Variants in UGGT1 observed in about 807,000 individuals in gnomAD.
UGGT1 encodes the protein UDP-glucose:glycoprotein glucosyltransferase 1.
A neutral mutation model predicts 203.9 loss-of-function variants in UGGT1; 107 were observed. The observed-to-expected ratio is 0.52, with a 90% CI of 0.45 to 0.62. UGGT1 has a LOEUF of 0.62. Ranked by LOEUF, UGGT1 falls within the 20% of genes least tolerant of loss-of-function variation. UGGT1 has a pLI of 0.00. For missense variants in UGGT1, 1,673 were observed against 1,867.2 expected, an observed-to-expected ratio of 0.90 and a Z score of 1.92; for synonymous variants, 628 against 653.5, an observed-to-expected ratio of 0.96 and a Z score of 0.59.
chr2:128,136,912 T>G (rs1229578483), intron 15 of UGGT1, among the ~76,000 whole-genome samples: 1 of 152,158 alleles, frequency 6.6e-6, no homozygotes, highest in African/African-American at 2.4e-5. Context: ...TTCTGATAGG[T>G]GTGTGGTGGT....
At chr2:128,095,820 TATAAAAAGCAGC>T (rs1377297794) in intron 1 of UGGT1, among the ~76,000 whole-genome samples, 1 of 152,234 alleles carries the variant, frequency 6.6e-6, no homozygotes, top group Non-Finnish European at 1.5e-5. Context: ...TGATGCTTTT[TATAAAAAGCAGC>T]TATTGACTAG....
At chr2:128,141,891 T>C (rs1487030579) in intron 16 of UGGT1, among the ~76,000 whole-genome samples, 1 of 152,004 alleles carries the variant, frequency 6.6e-6, no homozygotes, top group Non-Finnish European at 1.5e-5. Context: ...TCCTCATCCC[T>C]CCTAAACATC....
At chr2:128,116,938 G>C (rs1688129741) in intron 8 of UGGT1, among the ~76,000 whole-genome samples, 1 of 152,154 alleles carries the variant, frequency 6.6e-6, no homozygotes, top group Non-Finnish European at 1.5e-5. Context: ...ATTGCCATAA[G>C]AGGAGAAATT....
chr2:128,177,681 CCTT>C (rs1272147774), intron 32 of UGGT1, 148 bp from the exon 33 acceptor site: 2 of 522,602 alleles, frequency 3.8e-6, no homozygotes, highest in African/African-American at 4.0e-5. Context: ...TCTATTGAAT[CCTT>C]CTAGACTCTG....
At chr2:128,174,409 C>T (rs1445155808) in intron 30 of UGGT1, among the ~76,000 whole-genome samples, 3 of 151,668 alleles carry the variant, frequency 2.0e-5, no homozygotes, top group Non-Finnish European at 2.9e-5. Flanking sequence ...AGCAATTCTC[C>T]TGCCCCAGCC....
intron 19 of UGGT1, among the ~76,000 whole-genome samples, 176 bp downstream of exon 19, chr2:128,153,080 T>TAAATTCAC (rs1690053083): frequency 1.3e-5 from 2 of 150,406 alleles, no homozygotes; most frequent in South Asian, 4.2e-4. Context: ...TATGAGATTC[T>TAAATTCAC]AAATTCACAA....
intron 2 of UGGT1, among the ~76,000 whole-genome samples, chr2:128,103,730 T>G (rs1171099954): frequency 6.6e-6 from 1 of 151,590 alleles, no homozygotes; most frequent in Non-Finnish European, 1.5e-5. Flanking sequence ...ATTCATAGGC[T>G]AAGTTATTAA....
In UGGT1 at chr2:128,192,389, G is replaced by A. The variant is rs997421496; in HGVS notation, c.*2647G>A. On this transcript the variant is annotated 3_prime_UTR_variant, in exon 41 of 41. Transcript: ENST00000259253. The stretch of plus-strand genomic sequence containing the variant: ...AAGGCATACTGTAACAGAAAAGATA[G>A]GTAAGATATTTTTTTCCCAAGAAGT... 2.0e-5 allele frequency: 3 copies of A among 151,902 alleles called. No individual in the cohort carries two copies. In the South Asian group the frequency reaches 6.2e-4, roughly 32 times the overall value. 9.4% of individuals were successfully genotyped at this position (151,902 alleles called of 1,614,324 possible).
intron 5 of UGGT1, among the ~76,000 whole-genome samples, chr2:128,112,716 A>G (rs1687927635): frequency 1.3e-5 from 2 of 150,580 alleles, no homozygotes; most frequent in African/African-American, 4.9e-5. Flanking sequence ...CCAAGTAGCT[A>G]GGACTACAGG....
intron 2 of UGGT1, 142 bp from the exon 3 acceptor site, chr2:128,103,790 A>T: frequency 2.9e-6 from 1 of 341,866 alleles, no homozygotes; most frequent in South Asian, 1.1e-4. Context: ...TATATTATAC[A>T]TAAAAGAGTA....
chr2:128,112,872 A>G (rs1687933425), intron 5 of UGGT1, among the ~76,000 whole-genome samples: 1 of 152,128 alleles, frequency 6.6e-6, no homozygotes, highest in Admixed American at 6.6e-5. Flanking sequence ...TATTTTTTAT[A>G]ATGTACTTTT....
Position 128,173,884 on chromosome 2 carries a change from C to A in UGGT1, c.3398C>A (p.Thr1133Asn), listed in dbSNP as rs1224504833. ...TGQPPRGLQFTLGTSANPVIV... is the reference protein window; with the variant it reads ...TGQPPRGLQFNLGTSANPVIV... Reference sequence around the variant, plus strand: ...CAGCCTCCACGGGGACTACAGTTTACCTTAGGAACTTCAGCCAACCCGGTC... The same window carrying A: ...CAGCCTCCACGGGGACTACAGTTTAACTTAGGAACTTCAGCCAACCCGGTC... Residue 1133 changes from threonine (T) to asparagine (N), a missense_variant, in exon 30 of 41, where the codon ACC (threonine) becomes AAC (asparagine). By Grantham distance (65) the Thr-to-Asn change is moderately conservative. Transcript: ENST00000259253. 5 of 1,614,030 alleles carry A rather than the reference C, an allele frequency of 3.1e-6. No individual in the cohort carries two copies. The highest frequency in any genetic ancestry group is 4.2e-6 in the Non-Finnish European group (5 of 1,180,030).
chr2:128,122,395 G>A (rs1370581672), intron 10 of UGGT1, among the ~76,000 whole-genome samples: 1 of 152,042 alleles, frequency 6.6e-6, no homozygotes, highest in Admixed American at 6.5e-5. Flanking sequence ...TTAGCTGGGC[G>A]TGGTGGCAGG....
At position 128,187,495 on chromosome 2, in the gene UGGT1, G is replaced by A. The variant is rs903457488; in HGVS notation, c.4523G>A (p.Arg1508Gln). The stretch of plus-strand genomic sequence containing the variant: ...GAGCCGAAACTGGAAGCAGCTGTGC[G>A]GATTGTCCCGGAGTGGCAGGACTAC... ...TKEPKLEAAV[R>Q]IVPEWQDYDQ... Residue 1508 changes from arginine to glutamine, a missense_variant, in exon 40 of 41, where the codon CGG (arginine) becomes CAG (glutamine). Coordinates refer to ENST00000259253, the MANE Select transcript of UGGT1 (RefSeq NM_020120.4). The A allele has an allele frequency of 1.9e-6, 3 of 1,613,990 alleles. No homozygotes were observed. The highest frequency in any genetic ancestry group is 1.3e-5 in the African/African-American group (1 of 74,912).
chr2:128,119,437 G>GAA lies in UGGT1; in HGVS notation c.873-909_873-908dup, dbSNP rs879873461. Among the ~76,000 whole-genome samples, 3 of 136,792 alleles carry GAA rather than the reference G, an allele frequency of 2.2e-5. No homozygotes were observed. The South Asian group carries it at 6.9e-4, about 31-fold the overall frequency. 89.7% of individuals were successfully genotyped at this position (136,792 alleles called of 152,430 possible). ...AACAAGAGTGAAACTCTGTCTCAAA[G>GAA]AAAAAAAAAAAGAAATTTTGAGTTT... On this transcript the variant is annotated intron_variant, in intron 8 of 40. Coordinates refer to ENST00000259253, the MANE Select transcript of UGGT1 (RefSeq NM_020120.4).
intron 3 of UGGT1, among the ~76,000 whole-genome samples, chr2:128,104,955 G>A (rs1687534733): frequency 6.6e-6 from 1 of 151,538 alleles, no homozygotes; most frequent in Admixed American, 6.6e-5. Context: ...CCAGATATAA[G>A]TTCTTACAGA....
intron 26 of UGGT1, among the ~76,000 whole-genome samples, chr2:128,169,627 A>G (rs1223625627): frequency 6.6e-6 from 1 of 152,260 alleles, no homozygotes. Flanking sequence ...GTTGAAAGCC[A>G]TCTCTATGTC....
At chr2:128,103,150 G>A (rs1687456983) in intron 2 of UGGT1, 2 of 470,112 alleles carry the variant, frequency 4.3e-6, no homozygotes, top group Non-Finnish European at 4.4e-6. Context: ...GGCTAGGTAA[G>A]CTGAGATCCA....
intron 39 of UGGT1, chr2:128,187,120 G>C (rs1243792472): frequency 3.6e-6 from 1 of 279,262 alleles, no homozygotes; most frequent in Non-Finnish European, 6.6e-6. Context: ...GCTTACATTA[G>C]GAAACCAAAT....
Sources: allele counts gnomAD v4.1 joint callset (sites outside exome capture counted in the v4.1 genomes callset), GRCh38; gene constraint gnomAD v4.1.1; transcripts MANE v1.5; gene names NCBI Gene and HGNC (gene_info 2026-07-23, HGNC 2026-07-21).